The following SH3GLB1 variants were observed in gnomAD, a reference collection of about 807,000 sequenced individuals.
SH3GLB1 encodes SH3 domain containing GRB2 like, endophilin B1, also known as endophilin-B1.
Under a neutral mutation model 42.0 loss-of-function variants are expected in SH3GLB1, and 17 were observed. The observed-to-expected ratio is 0.40, with a 90% CI of 0.28 to 0.61. The LOEUF (loss-of-function observed/expected upper bound fraction) is 0.61. Ranked by LOEUF, SH3GLB1 falls within the 20% of genes least tolerant of loss-of-function variation. The pLI is 0.36. For missense variants in SH3GLB1, 355 were observed against 426.3 expected, an observed-to-expected ratio of 0.83 and a Z score of 1.47; for synonymous variants, 132 against 146.6, an observed-to-expected ratio of 0.90 and a Z score of 0.72.
chr1:86,716,306 G>T (rs746658395), intron 2 of SH3GLB1, among the ~76,000 whole-genome samples: 1 of 151,742 alleles, frequency 6.6e-6, no homozygotes, highest in Non-Finnish European at 1.5e-5. Flanking sequence ...ACAGAGTCTC[G>T]CCCTGTCGCC....
chr1:86,715,204 CCAAA>C (rs78235390), intron 1 of SH3GLB1, among the ~76,000 whole-genome samples: 7,149 of 152,152 alleles, frequency 0.047, 223 homozygotes, highest in Non-Finnish European at 0.075. Flanking sequence ...TTACAAGGCA[CCAAA>C]CAAAGTGATT....
chr1:86,717,165 G>C (rs1654583734), intron 2 of SH3GLB1, among the ~76,000 whole-genome samples: 1 of 152,122 alleles, frequency 6.6e-6, no homozygotes, highest in South Asian at 2.1e-4. Flanking sequence ...CTTTGAGTGA[G>C]TCCTAATGTC....
chr1:86,730,041 C>A, intron 5 of SH3GLB1: 10 of 1,526,338 alleles, frequency 6.6e-6, no homozygotes, highest in Non-Finnish European at 8.9e-6. Context: ...AAAATAAATT[C>A]CAACTTTCAT....
At chr1:86,730,520 A>G (rs1655452170) in intron 5 of SH3GLB1, 1 of 434,008 alleles carries the variant, frequency 2.3e-6, no homozygotes. Flanking sequence ...TTTTTTTGAG[A>G]TGGAGTTTTG....
intron 1 of SH3GLB1, among the ~76,000 whole-genome samples, chr1:86,710,860 A>G (rs1654171060): frequency 6.6e-6 from 1 of 152,240 alleles, no homozygotes; most frequent in African/African-American, 2.4e-5. Context: ...AGCGATACAT[A>G]TTTAAATAGT....
At chr1:86,705,964 G>T (rs1300320427) in intron 1 of SH3GLB1, among the ~76,000 whole-genome samples, 1 of 152,148 alleles carries the variant, frequency 6.6e-6, no homozygotes, top group Non-Finnish European at 1.5e-5. Context: ...CCTTGCCTTT[G>T]CCCCAATTTT....
intron 1 of SH3GLB1, among the ~76,000 whole-genome samples, chr1:86,713,582 A>G (rs898470002): frequency 2.6e-5 from 4 of 152,138 alleles, no homozygotes; most frequent in African/African-American, 9.7e-5. Flanking sequence ...AACATAGTTC[A>G]TATCATTCAG....
At chr1:86,705,013 A>T in intron 1 of SH3GLB1, 42 bp downstream of exon 1, 2 of 1,394,906 alleles carry the variant, frequency 1.4e-6, no homozygotes, top group Non-Finnish European at 2.0e-6. Context: ...GGCGCCCGGG[A>T]AGGTTGAGGG....
intron 7 of SH3GLB1, among the ~76,000 whole-genome samples, chr1:86,736,170 G>A (rs1655767636): frequency 6.6e-6 from 1 of 152,172 alleles, no homozygotes. Context: ...GAGTTAAGCA[G>A]GGTCATACCA....
At chr1:86,720,362 G>C (rs533274904) in intron 3 of SH3GLB1, among the ~76,000 whole-genome samples, 39 of 152,282 alleles carry the variant, frequency 2.6e-4, no homozygotes, top group African/African-American at 9.4e-4. Flanking sequence ...TAATTTTGCA[G>C]TAATGTCAGT....
At chr1:86,725,413 T>C (rs1471937614) in intron 5 of SH3GLB1, among the ~76,000 whole-genome samples, 1 of 152,158 alleles carries the variant, frequency 6.6e-6, no homozygotes, top group Non-Finnish European at 1.5e-5. Flanking sequence ...AATTAAATTT[T>C]TCTTTAAAGA....
At position 86,735,060 on chromosome 1, in the gene SH3GLB1, CTA is replaced by C; in HGVS notation, c.661-16_661-15del. 1 of 1,591,290 alleles carries C rather than the reference CTA, an allele frequency of 6.3e-7. No homozygotes were observed. The highest frequency in any genetic ancestry group is 8.6e-7 in the Non-Finnish European group (1 of 1,159,748). ...AGTTGACTATACAGCTAAGAACTAA[CTA>C]TAATTTTCCTTCACAGGCCCATCAC... On this transcript the variant is annotated splice_polypyrimidine_tract_variant and intron_variant, in intron 6 of 8. Transcript: ENST00000370558.
intron 7 of SH3GLB1, among the ~76,000 whole-genome samples, chr1:86,735,938 C>T (rs1218631939): frequency 2.0e-5 from 3 of 152,158 alleles, no homozygotes; most frequent in African/African-American, 7.2e-5. Flanking sequence ...GTGAAGGCAT[C>T]TAACTGTGAC....
At chr1:86,729,691 A>G (rs1323530589) in intron 5 of SH3GLB1, among the ~76,000 whole-genome samples, 1 of 152,088 alleles carries the variant, frequency 6.6e-6, no homozygotes, top group Admixed American at 6.5e-5. Context: ...TTTCTCTCCA[A>G]AAAGACTGTT....
rs1656184533 is a variant in SH3GLB1 at position 86,744,025 on chromosome 1, G to A, written c.*790G>A. 6.6e-6 allele frequency: 1 copy of A among 152,236 alleles called. No individual in the cohort carries two copies. Among genetic ancestry groups the A allele is most frequent in the African/African-American group, 2.4e-5 (1 of 41,260 alleles). 9.4% of individuals were successfully genotyped at this position (152,236 alleles called of 1,614,324 possible). A position where few individuals can be genotyped will look rare whatever the true frequency, so the allele number is the denominator to read the frequency against. On this transcript the variant is annotated 3_prime_UTR_variant, in exon 9 of 9. Coordinates refer to ENST00000370558, the MANE Select transcript of SH3GLB1 (RefSeq NM_016009.5). ...GGATTGGATCCATTTACTGTACTGT[G>A]GTACAGTAAAGAGAATGTGTTCTTA...
Position 86,746,914 on chromosome 1 carries a change from T to C in SH3GLB1, c.*3679T>C, listed in dbSNP as rs1367022655. 1 of 152,286 alleles carries C rather than the reference T, an allele frequency of 6.6e-6. No individual in the cohort carries two copies. The highest frequency in any genetic ancestry group is 1.5e-5 in the Non-Finnish European group (1 of 68,020). 9.4% of individuals were successfully genotyped at this position (152,286 alleles called of 1,614,324 possible). On this transcript the variant is annotated 3_prime_UTR_variant, in exon 9 of 9. Coordinates refer to ENST00000370558, the MANE Select transcript of SH3GLB1 (RefSeq NM_016009.5). ...CTCAGTAGAGCAGTGATTGGCAAAG[T>C]GTGAGACCCCAGACCGGCAATATTG... is the stretch of plus-strand genomic sequence containing the variant.
chr1:86,709,693 A>G (rs1470318668), intron 1 of SH3GLB1, among the ~76,000 whole-genome samples: 1 of 152,242 alleles, frequency 6.6e-6, no homozygotes, highest in Non-Finnish European at 1.5e-5. Flanking sequence ...TTTCAAATCA[A>G]ATTACTTAGG....
chr1:86,705,545 C>G (rs1653810140), intron 1 of SH3GLB1, among the ~76,000 whole-genome samples: 1 of 152,184 alleles, frequency 6.6e-6, no homozygotes, highest in South Asian at 2.1e-4. Context: ...GAGACTTTGC[C>G]AAGACCACAA....
At chr1:86,718,214 A>ATT (rs879327186) in intron 2 of SH3GLB1, among the ~76,000 whole-genome samples, 1 of 144,324 alleles carries the variant, frequency 6.9e-6, no homozygotes, top group African/African-American at 2.5e-5. Context: ...TAATTTTTGT[A>ATT]TTTTTTTTTT....
Sources: allele counts gnomAD v4.1 joint callset (sites outside exome capture counted in the v4.1 genomes callset), GRCh38; gene constraint gnomAD v4.1.1; transcripts MANE v1.5; gene names NCBI Gene and HGNC (gene_info 2026-07-23, HGNC 2026-07-21).